Variants in SHTN1 observed in about 807,000 individuals in gnomAD.
SHTN1 encodes the protein shootin 1.
A neutral mutation model predicts 83.1 loss-of-function variants in SHTN1; 42 were observed. That is an observed-to-expected ratio of 0.51 (90% CI 0.39 to 0.65). The LOEUF (loss-of-function observed/expected upper bound fraction) is 0.65. Among genes scored for constraint, SHTN1 ranks in the 30% least tolerant of loss-of-function variants. SHTN1 has a pLI of 0.00. For synonymous variants in SHTN1, 224 were observed against 247.7 expected (o/e 0.90, Z 0.90); for missense variants, 622 against 737.8 (o/e 0.84, Z 1.82).
intron 1 of SHTN1, among the ~76,000 whole-genome samples, chr10:116,989,716 C>T (rs1851350112): frequency 6.6e-6 from 1 of 152,184 alleles, no homozygotes; most frequent in Admixed American, 6.6e-5. Flanking sequence ...TTTGTCCTAT[C>T]ACTTCTCTAA....
At chr10:117,077,070 C>A (rs1468629146) in intron 1 of SHTN1, among the ~76,000 whole-genome samples, 7 of 152,154 alleles carry the variant, frequency 4.6e-5, no homozygotes, top group Non-Finnish European at 7.3e-5. Flanking sequence ...GCTCCCCCAG[C>A]ACAAAAGCCC....
chr10:116,918,424 C>T (rs1848445540), intron 12 of SHTN1, among the ~76,000 whole-genome samples: 1 of 151,566 alleles, frequency 6.6e-6, no homozygotes, highest in Non-Finnish European at 1.5e-5. Context: ...TTCCAAATTC[C>T]ACAGGATTAC....
At chr10:117,022,723 C>A (rs554032417) in intron 2 of SHTN1, among the ~76,000 whole-genome samples, 20 of 152,218 alleles carry the variant, frequency 1.3e-4, no homozygotes, top group Admixed American at 3.9e-4. Flanking sequence ...GAGTTCGAGA[C>A]CAGCCTGGCC....
At chr10:117,027,189 T>C (rs1255630251) in intron 2 of SHTN1, among the ~76,000 whole-genome samples, 2 of 79,412 alleles carry the variant, frequency 2.5e-5, no homozygotes, top group African/African-American at 5.4e-5. Flanking sequence ...ATCCCCAACA[T>C]TGGAGGGGGG....
Position 116,906,676 on chromosome 10 carries a change from T to C in SHTN1, c.1431A>G (p.Leu477=), listed in dbSNP as rs752057305. 1 of 1,613,610 alleles carries C rather than the reference T, an allele frequency of 6.2e-7. No homozygotes were observed. The highest frequency in any genetic ancestry group is 1.1e-5 in the South Asian group (1 of 91,022). Reference sequence around the variant, plus strand: ...CCTTTCTGCGACGCAAAATCCTTTCTAACTCAGTTTCACTGTTTTCAGGGT... The same window carrying C: ...CCTTTCTGCGACGCAAAATCCTTTCCAACTCAGTTTCACTGTTTTCAGGGT... ...SLDPENSETE[L]ERILRRRKVT... Residue 477 remains leucine, a synonymous_variant, in exon 15 of 17, where the codon TTA becomes TTG. Transcript: ENST00000355371.
At chr10:116,992,657 C>T (rs954420621) in intron 1 of SHTN1, among the ~76,000 whole-genome samples, 1 of 152,096 alleles carries the variant, frequency 6.6e-6, no homozygotes, top group East Asian at 1.9e-4. Context: ...AGAAACTATC[C>T]CTTTTAAAAT....
chr10:116,969,142 G>C (rs116032106), intron 2 of SHTN1, among the ~76,000 whole-genome samples: 1 of 152,046 alleles, frequency 6.6e-6, no homozygotes, highest in Non-Finnish European at 1.5e-5. Context: ...AAAGACTACC[G>C]CAGGCCAGGC....
chr10:117,068,176 G>A (rs560791906), intron 1 of SHTN1, among the ~76,000 whole-genome samples: 1 of 152,130 alleles, frequency 6.6e-6, no homozygotes, highest in Non-Finnish European at 1.5e-5. Flanking sequence ...TGGATCACTT[G>A]AGTTCCGAAA....
rs182290695 is a variant in SHTN1, at chr10:116,953,813, G to A, written c.436+229C>T. The stretch of plus-strand genomic sequence containing the variant: ...CAGCTAATTTTTGTATTTTTTAGTA[G>A]AGACCGGGTTTCACCAGGTTGGCCA... On this transcript the variant is annotated intron_variant, in intron 5 of 16. Transcript: ENST00000355371. Among the ~76,000 whole-genome samples the A allele has an allele frequency of 8.6e-3, 1,301 of 151,964 alleles. 20 individuals are homozygous for A. The highest frequency in any genetic ancestry group is 0.03 in the African/African-American group (1,240 of 41,450).
upstream of SHTN1, among the ~76,000 whole-genome samples, chr10:117,007,854 T>TA (rs989399742): frequency 3.3e-5 from 5 of 151,432 alleles, no homozygotes; most frequent in Non-Finnish European, 5.9e-5. Context: ...CTACTAAAAA[T>TA]AAAAAAAGCT....
intron 1 of SHTN1, among the ~76,000 whole-genome samples, chr10:117,115,682 T>C (rs929628746): frequency 6.6e-6 from 1 of 152,194 alleles, no homozygotes; most frequent in African/African-American, 2.4e-5. Context: ...GAAATTGTGA[T>C]ATACTCCACA....
intron 8 of SHTN1, among the ~76,000 whole-genome samples, chr10:116,943,534 CTTCAA>C (rs781010187): frequency 1.3e-5 from 2 of 152,208 alleles, no homozygotes; most frequent in Non-Finnish European, 2.9e-5. Flanking sequence ...CTCTGACACA[CTTCAA>C]TTCTTTTTTC....
chr10:116,913,025 T>A (rs1848258661), intron 13 of SHTN1, among the ~76,000 whole-genome samples: 1 of 152,186 alleles, frequency 6.6e-6, no homozygotes, highest in Non-Finnish European at 1.5e-5. Flanking sequence ...CCATACGCAC[T>A]AAGACACTAA....
At chr10:116,897,972 A>G (rs1230664865) in intron 16 of SHTN1, among the ~76,000 whole-genome samples, 3 of 152,142 alleles carry the variant, frequency 2.0e-5, no homozygotes, top group Non-Finnish European at 4.4e-5. Flanking sequence ...CCTGGGCAAC[A>G]CTTAATTATT....
chr10:116,903,397 C>A (rs886201030), intron 15 of SHTN1, among the ~76,000 whole-genome samples: 1 of 151,918 alleles, frequency 6.6e-6, no homozygotes, highest in African/African-American at 2.4e-5. Context: ...TGATGGTGGG[C>A]GCCTGTAATC....
chr10:116,991,230 A>G (rs1004677455), intron 1 of SHTN1, among the ~76,000 whole-genome samples: 7 of 152,180 alleles, frequency 4.6e-5, no homozygotes, highest in African/African-American at 1.4e-4. Flanking sequence ...AGTCTCATGC[A>G]TGGTTGTAGT....
chr10:117,049,787 C>T (rs1852715237), intron 1 of SHTN1, among the ~76,000 whole-genome samples: 1 of 152,104 alleles, frequency 6.6e-6, no homozygotes, highest in Admixed American at 6.6e-5. Flanking sequence ...TGAAAAATTC[C>T]ATGATGCAAT....
chr10:117,084,494 T>G (rs1231535429), intron 1 of SHTN1, among the ~76,000 whole-genome samples: 3 of 152,232 alleles, frequency 2.0e-5, no homozygotes, highest in African/African-American at 7.2e-5. Flanking sequence ...TCTTTTTGTT[T>G]GTCTGTGCCC....
At chr10:117,072,844 G>T (rs1053089469) in intron 1 of SHTN1, among the ~76,000 whole-genome samples, 1 of 152,076 alleles carries the variant, frequency 6.6e-6, no homozygotes, top group Non-Finnish European at 1.5e-5. Context: ...ACGAGCAATG[G>T]ATCCAAACCA....
Sources: allele counts gnomAD v4.1 joint callset (sites outside exome capture counted in the v4.1 genomes callset), GRCh38; gene constraint gnomAD v4.1.1; transcripts MANE v1.5; gene names NCBI Gene and HGNC (gene_info 2026-07-23, HGNC 2026-07-21).